Variants in STK31 observed in about 807,000 individuals in gnomAD.
STK31 encodes serine/threonine-protein kinase 31.
STK31 carries 89 observed loss-of-function variants against 129.7 expected under a neutral mutation model. The observed-to-expected ratio is 0.69, with a 90% CI of 0.58 to 0.82. The LOEUF is 0.82. STK31 is among the 40% of genes least tolerant of loss of function. STK31 has a pLI of 0.00. For missense variants in STK31, 1,187 were observed against 1,176.4 expected (o/e 1.01, Z -0.13); for synonymous variants, 448 against 395.3 (o/e 1.13, Z -1.58).
At chr7:23,773,527 G>T (rs1790333552) in intron 15 of STK31, among the ~76,000 whole-genome samples, 1 of 152,134 alleles carries the variant, frequency 6.6e-6, no homozygotes, top group South Asian at 2.1e-4. Flanking sequence ...CTTTATAGTA[G>T]AATGATTTAT....
chr7:23,823,979 C>T (rs1793947858), intron 23 of STK31, among the ~76,000 whole-genome samples: 1 of 152,274 alleles, frequency 6.6e-6, no homozygotes, highest in Non-Finnish European at 1.5e-5. Context: ...GTACCAGTAT[C>T]ATGCTATTTT....
chr7:23,798,278 C>A (rs529297191), intron 22 of STK31, among the ~76,000 whole-genome samples: 55 of 152,242 alleles, frequency 3.6e-4, no homozygotes, highest in African/African-American at 1.3e-3. Flanking sequence ...GGTACCAAAA[C>A]GTGCCAGAGA....
intron 23 of STK31, among the ~76,000 whole-genome samples, chr7:23,819,999 A>G (rs561477576): frequency 7.2e-4 from 110 of 152,348 alleles, no homozygotes; most frequent in African/African-American, 2.3e-3. Context: ...CTTCAGTGTG[A>G]CATTTTAATA....
chr7:23,787,605 T>C (rs943540125), intron 20 of STK31, among the ~76,000 whole-genome samples: 3 of 152,098 alleles, frequency 2.0e-5, no homozygotes, highest in Admixed American at 1.3e-4. Context: ...GTGAGGGATC[T>C]AGGTTGCGCA....
At chr7:23,750,800 T>C (rs1788665179) in intron 8 of STK31, among the ~76,000 whole-genome samples, 1 of 152,218 alleles carries the variant, frequency 6.6e-6, no homozygotes, top group Non-Finnish European at 1.5e-5. Context: ...TATTTTGTCA[T>C]ATGCCTAGAA....
intron 22 of STK31, among the ~76,000 whole-genome samples, chr7:23,808,169 A>G: frequency 6.8e-6 from 1 of 146,420 alleles, no homozygotes; most frequent in East Asian, 2.0e-4. Context: ...ATATATATAT[A>G]TTTTTTGTAG....
intron 13 of STK31, 95 bp downstream of exon 13, chr7:23,769,851 C>T: frequency 1.3e-6 from 1 of 780,162 alleles, no homozygotes; most frequent in Non-Finnish European, 2.1e-6. Context: ...GTTTTTCTTG[C>T]TAGTTAGAAA....
At chr7:23,768,389 G>A (rs964635846) in intron 11 of STK31, among the ~76,000 whole-genome samples, 3 of 152,166 alleles carry the variant, frequency 2.0e-5, no homozygotes, top group Non-Finnish European at 4.4e-5. Context: ...TATCCGTGTT[G>A]TTAAGTGATG....
chr7:23,731,376 C>T lies in STK31; in HGVS notation c.483+2127C>T, dbSNP rs148670490. Among the ~76,000 whole-genome samples, 3 of 152,220 alleles carry T rather than the reference C, an allele frequency of 2.0e-5. No individual in the cohort carries two copies. The East Asian group carries it at 5.8e-4, about 29-fold the overall frequency. On this transcript the variant is annotated intron_variant, in intron 6 of 23. Coordinates refer to ENST00000355870, the MANE Select transcript of STK31 (RefSeq NM_031414.5). The stretch of plus-strand genomic sequence containing the variant: ...GAAGTCTTTGCTAATACCCACTTAC[C>T]CGGTCCTCTGTGGTGTTTTAGTCAC...
intron 7 of STK31, among the ~76,000 whole-genome samples, chr7:23,736,691 G>T (rs539926791): frequency 6.6e-6 from 1 of 151,784 alleles, no homozygotes; most frequent in East Asian, 1.9e-4. Flanking sequence ...ATTTTTTTTT[G>T]AGAATTAGAG....
chr7:23,746,824 A>G (rs868172086), intron 8 of STK31, among the ~76,000 whole-genome samples: 1 of 152,030 alleles, frequency 6.6e-6, no homozygotes, highest in African/African-American at 2.4e-5. Context: ...TTTTAACTTA[A>G]TATTATTTAA....
At position 23,739,798 on chromosome 7, in the gene STK31, A is replaced by G. The variant is rs559366072; in HGVS notation, c.1017+2720A>G. ...CAGATGGTTGTAGATGTGTGGTGTTATTTCTGAGGCCTTTGTTCTGTTCCA... is the reference window on the plus strand; with the variant it reads ...CAGATGGTTGTAGATGTGTGGTGTTGTTTCTGAGGCCTTTGTTCTGTTCCA... On this transcript the variant is annotated intron_variant, in intron 8 of 23. Transcript: ENST00000355870. Among the ~76,000 whole-genome samples, 11 of 151,902 alleles carry G rather than the reference A, an allele frequency of 7.2e-5. No homozygotes were observed. In the South Asian group the frequency reaches 2.3e-3, roughly 32 times the overall value.
rs757689421 is a variant in STK31 at position 23,769,765 on chromosome 7, C to T, written c.1713+9C>T. On this transcript the variant is annotated intron_variant, in intron 13 of 23. Coordinates refer to ENST00000355870, the MANE Select transcript of STK31 (RefSeq NM_031414.5). ...TGGAGATAGCTCTGGTTGTGAGTAT[C>T]GATATTCTTTATTATTGCCTCCTTT... 16 of 1,551,286 alleles carry T rather than the reference C, an allele frequency of 1.0e-5. No homozygotes were observed. The East Asian group carries it at 2.0e-4, about 20-fold the overall frequency.
At chr7:23,747,877 T>A (rs1788458982) in intron 8 of STK31, among the ~76,000 whole-genome samples, 1 of 152,192 alleles carries the variant, frequency 6.6e-6, no homozygotes, top group African/African-American at 2.4e-5. Context: ...AGCCTGGTTA[T>A]AGTGTTACCA....
At chr7:23,747,003 T>C (rs1788396494) in intron 8 of STK31, among the ~76,000 whole-genome samples, 1 of 152,132 alleles carries the variant, frequency 6.6e-6, no homozygotes, top group Non-Finnish European at 1.5e-5. Flanking sequence ...TGTAAGTGGA[T>C]CTGTGCAGTT....
chr7:23,829,651 A>G (rs1018504663), intron 23 of STK31, among the ~76,000 whole-genome samples: 1 of 152,120 alleles, frequency 6.6e-6, no homozygotes, highest in South Asian at 2.1e-4. Context: ...GCCTTGTAGA[A>G]CAAGTTAGGG....
At chr7:23,808,170 T>TA (rs35419270) in intron 22 of STK31, among the ~76,000 whole-genome samples, 7 of 50,962 alleles carry the variant, frequency 1.4e-4, no homozygotes, top group African/African-American at 1.6e-4. Context: ...TATATATATA[T>TA]TTTTTGTAGG....
chr7:23,823,611 A>T (rs1171763815), intron 23 of STK31, among the ~76,000 whole-genome samples: 1 of 152,012 alleles, frequency 6.6e-6, no homozygotes, highest in Non-Finnish European at 1.5e-5. Context: ...ATTAGATCCC[A>T]TTTGTCAATT....
At chr7:23,831,582 T>C (rs1794550104) in intron 23 of STK31, among the ~76,000 whole-genome samples, 1 of 152,240 alleles carries the variant, frequency 6.6e-6, no homozygotes, top group Non-Finnish European at 1.5e-5. Flanking sequence ...CTGTCATTGA[T>C]ACATGCATGA....
Sources: gnomAD v4.1 joint callset for allele counts (sites outside exome capture counted in the v4.1 genomes callset) on GRCh38, gnomAD v4.1.1 for gene constraint, MANE v1.5 for transcripts, NCBI Gene and HGNC (gene_info 2026-07-23, HGNC 2026-07-21) for gene names.